Variants in RGS20 observed in about 807,000 individuals in gnomAD.
RGS20 encodes the protein gz-selective GTPase-activating protein.
In RGS20, 30 loss-of-function variants were observed where a neutral mutation model predicts 33.6. The observed-to-expected ratio is 0.89, with a 90% confidence interval of 0.67 to 1.21. The LOEUF is 1.21. RGS20 is among the 50% of genes most tolerant of loss of function. The pLI is 0.00. For missense variants in RGS20, 472 were observed against 502.4 expected, an observed-to-expected ratio of 0.94 and a Z score of 0.58; for synonymous variants, 208 against 197.9, an observed-to-expected ratio of 1.05 and a Z score of -0.43.
intron 2 of RGS20, among the ~76,000 whole-genome samples, chr8:53,893,000 T>G (rs1310347545): frequency 6.6e-6 from 1 of 152,136 alleles, no homozygotes; most frequent in Non-Finnish European, 1.5e-5. Flanking sequence ...CTGAAGAATT[T>G]AGATAAAATT....
At chr8:53,915,097 T>C (rs1331875763) in intron 2 of RGS20, among the ~76,000 whole-genome samples, 5 of 151,390 alleles carry the variant, frequency 3.3e-5, no homozygotes, top group Non-Finnish European at 5.9e-5. Context: ...TGAGCCGAGA[T>C]CGCGCCACTG....
chr8:53,958,674 C>A lies in RGS20; in HGVS notation c.*216C>A. 3.7e-6 allele frequency: 1 copy of A among 269,620 alleles called. No individual in the cohort carries two copies. The highest frequency in any genetic ancestry group is 6.7e-6 in the Non-Finnish European group (1 of 148,956). 16.7% of individuals were successfully genotyped at this position (269,620 alleles called of 1,614,324 possible). ...GAAAAAAAAAAATAAAGGGATATGG[C>A]TGTTGTAGAAAGATAGCGTATTTGC... is the stretch of plus-strand genomic sequence containing the variant. On this transcript the variant is annotated 3_prime_UTR_variant, in exon 6 of 6. Coordinates refer to ENST00000297313, the MANE Select transcript of RGS20 (RefSeq NM_170587.4).
At chr8:53,894,631 G>A (rs187694356) in intron 2 of RGS20, among the ~76,000 whole-genome samples, 1 of 152,236 alleles carries the variant, frequency 6.6e-6, no homozygotes, top group Non-Finnish European at 1.5e-5. Context: ...GGTATGAGGG[G>A]CACAGTTCTG....
intron 2 of RGS20, among the ~76,000 whole-genome samples, chr8:53,937,051 AC>A (rs1429750024): frequency 1.3e-5 from 2 of 152,092 alleles, no homozygotes; most frequent in Non-Finnish European, 2.9e-5. Context: ...TATGCAGAAA[AC>A]TGAAATTGGG....
At chr8:53,899,219 C>T (rs1161517932) in intron 2 of RGS20, among the ~76,000 whole-genome samples, 2 of 152,202 alleles carry the variant, frequency 1.3e-5, no homozygotes, top group Non-Finnish European at 2.9e-5. Flanking sequence ...TCTCTCTATT[C>T]TCTTTATTGG....
At chr8:53,958,194 C>T in intron 5 of RGS20, 76 bp from the exon 5 acceptor site, 1 of 1,061,618 alleles carries the variant, frequency 9.4e-7, no homozygotes. Flanking sequence ...AACAAAAATC[C>T]CCACAAGCTC....
At chr8:53,853,636 A>G (rs1263082481) in intron 1 of RGS20, among the ~76,000 whole-genome samples, 3 of 152,198 alleles carry the variant, frequency 2.0e-5, no homozygotes, top group African/African-American at 7.2e-5. Flanking sequence ...GGAAACACTC[A>G]ACTCATTTTG....
intron 2 of RGS20, among the ~76,000 whole-genome samples, chr8:53,900,645 A>C (rs1812989134): frequency 6.6e-6 from 1 of 152,166 alleles, no homozygotes; most frequent in African/African-American, 2.4e-5. Flanking sequence ...CCTCTTAACA[A>C]ATCTCAAGGC....
chr8:53,879,810 C>T lies in RGS20; in HGVS notation c.510+208C>T, dbSNP rs1373072221. Reference sequence around the variant, plus strand: ...CACCGCCCCTCCCCGCGGGAAGACACTCCAAGCTACTTTTTCCTGGGCCAT... The same window carrying T: ...CACCGCCCCTCCCCGCGGGAAGACATTCCAAGCTACTTTTTCCTGGGCCAT... On this transcript the variant is annotated intron_variant, in intron 2 of 5. Transcript: ENST00000297313. 21 of 464,966 alleles carry T rather than the reference C, an allele frequency of 4.5e-5. No homozygotes were observed. The Admixed American group carries it at 8.5e-4, about 19-fold the overall frequency. 28.8% of individuals were successfully genotyped at this position (464,966 alleles called of 1,614,324 possible). A position where few individuals can be genotyped will look rare whatever the true frequency, so the allele number is the denominator to read the frequency against.
rs1247028752 is a variant in RGS20 at position 53,851,890 on chromosome 8, T to C, written c.-10T>C. The stretch of plus-strand genomic sequence containing the variant: ...CAACAGGACTCATTTGGGGCCTTTA[T>C]TGTGAAAACATGCCCCAGCTTTCCC... On this transcript the variant is annotated 5_prime_UTR_variant, in exon 1 of 6. Coordinates refer to ENST00000297313, the MANE Select transcript of RGS20 (RefSeq NM_170587.4). 2.5e-6 allele frequency: 4 copies of C among 1,613,748 alleles called. No homozygotes were observed. Among genetic ancestry groups the C allele is most frequent in the East Asian group, 4.5e-5 (2 of 44,874 alleles).
chr8:53,878,067 C>T (rs559027159), intron 1 of RGS20, among the ~76,000 whole-genome samples: 21 of 152,364 alleles, frequency 1.4e-4, no homozygotes, highest in Non-Finnish European at 2.8e-4. Context: ...GCTCGCCTCC[C>T]GCGCCTCACC....
intron 1 of RGS20, among the ~76,000 whole-genome samples, chr8:53,875,611 A>T (rs1812187741): frequency 6.6e-6 from 1 of 152,140 alleles, no homozygotes; most frequent in Admixed American, 6.5e-5. Flanking sequence ...AAGTCATCTA[A>T]GTAGCTCTCA....
intron 3 of RGS20, among the ~76,000 whole-genome samples, chr8:53,939,976 A>G (rs1814243071): frequency 6.6e-6 from 1 of 152,200 alleles, no homozygotes; most frequent in Admixed American, 6.5e-5. Context: ...CTAAAGAACA[A>G]CCTCAGGCGG....
intron 2 of RGS20, among the ~76,000 whole-genome samples, chr8:53,916,746 A>G (rs1413359436): frequency 2.6e-5 from 4 of 152,184 alleles, no homozygotes; most frequent in Non-Finnish European, 5.9e-5. Context: ...AGAATTCCAT[A>G]GGCCGGGTGG....
intron 2 of RGS20, among the ~76,000 whole-genome samples, chr8:53,911,595 T>C (rs1813347929): frequency 6.6e-6 from 1 of 152,174 alleles, no homozygotes; most frequent in South Asian, 2.1e-4. Flanking sequence ...CTAAACTACG[T>C]AGAAAAAATC....
chr8:53,925,525 C>G (rs1477326946), intron 2 of RGS20, among the ~76,000 whole-genome samples: 1 of 152,138 alleles, frequency 6.6e-6, no homozygotes, highest in Non-Finnish European at 1.5e-5. Flanking sequence ...TGCCTGTAAT[C>G]CCAGCATTTT....
At chr8:53,858,225 C>G (rs1356201561) in intron 1 of RGS20, among the ~76,000 whole-genome samples, 2 of 151,978 alleles carry the variant, frequency 1.3e-5, no homozygotes, top group Non-Finnish European at 1.5e-5. Flanking sequence ...TGTGGTGGCT[C>G]ACGTCTGTAG....
At chr8:53,946,178 A>C (rs1814471362) in intron 3 of RGS20, among the ~76,000 whole-genome samples, 1 of 152,182 alleles carries the variant, frequency 6.6e-6, no homozygotes, top group Admixed American at 6.6e-5. Flanking sequence ...AAATGAAATG[A>C]AACCCCAATA....
At chr8:53,916,175 A>G (rs372054036) in intron 2 of RGS20, among the ~76,000 whole-genome samples, 4 of 152,094 alleles carry the variant, frequency 2.6e-5, no homozygotes, top group African/African-American at 9.7e-5. Flanking sequence ...GGCATGTACC[A>G]CAAAGTCCGG....
Sources: allele counts gnomAD v4.1 joint callset (sites outside exome capture counted in the v4.1 genomes callset), GRCh38; gene constraint gnomAD v4.1.1; transcripts MANE v1.5; gene names NCBI Gene and HGNC (gene_info 2026-07-23, HGNC 2026-07-21).